The following NPSR1 variants were observed in gnomAD, a reference collection of about 807,000 sequenced individuals.
NPSR1 encodes neuropeptide S receptor 1, also known as neuropeptide S receptor.
NPSR1 carries 48 observed loss-of-function variants against 46.9 expected under a neutral mutation model. That is an observed-to-expected ratio of 1.02 (90% CI 0.81 to 1.30). NPSR1 has a LOEUF of 1.30. Among genes scored for constraint, NPSR1 ranks in the 50% most tolerant of loss-of-function variants. The probability of loss-of-function intolerance (pLI) is 0.00; values close to 1 mark genes in which losing one functional copy is unlikely to be tolerated. For synonymous variants in NPSR1, 176 were observed against 168.1 expected (o/e 1.05, Z -0.36); for missense variants, 450 against 449.5 (o/e 1.00, Z -0.01).
chr7:34,701,187 T>C (rs1448410180), intron 2 of NPSR1, among the ~76,000 whole-genome samples: 1 of 152,206 alleles, frequency 6.6e-6, no homozygotes, highest in East Asian at 1.9e-4. Context: ...TTTGAGCTGA[T>C]AGCACTTCAA....
At chr7:34,749,766 C>T (rs550133848) in intron 2 of NPSR1, among the ~76,000 whole-genome samples, 5 of 152,166 alleles carry the variant, frequency 3.3e-5, no homozygotes, top group Non-Finnish European at 7.3e-5. Context: ...AGAAGGTTTC[C>T]GTCATATTCC....
chr7:34,874,122 C>T (rs1412376027), intron 8 of NPSR1, among the ~76,000 whole-genome samples: 1 of 148,996 alleles, frequency 6.7e-6, no homozygotes. Flanking sequence ...ATCTGGCTTC[C>T]CACCCCAGCC....
intron 2 of NPSR1, among the ~76,000 whole-genome samples, chr7:34,705,155 G>A (rs773127284): frequency 3.9e-5 from 6 of 152,066 alleles, no homozygotes; most frequent in Non-Finnish European, 8.8e-5. Flanking sequence ...GGTTGGACGT[G>A]GTGGCTCATG....
chr7:34,786,067 C>T (rs1404319436), intron 3 of NPSR1, among the ~76,000 whole-genome samples: 2 of 152,116 alleles, frequency 1.3e-5, no homozygotes, highest in Non-Finnish European at 2.9e-5. Context: ...TTGACTTTTC[C>T]TTACATATAA....
chr7:34,862,669 T>G (rs897482148), intron 8 of NPSR1, among the ~76,000 whole-genome samples: 28 of 151,840 alleles, frequency 1.8e-4, no homozygotes, highest in African/African-American at 5.8e-4. Context: ...GTCAGAAAAT[T>G]TACTAATTAA....
chr7:34,752,560 A>G (rs1015687026), intron 2 of NPSR1, among the ~76,000 whole-genome samples: 1 of 152,108 alleles, frequency 6.6e-6, no homozygotes, highest in Non-Finnish European at 1.5e-5. Context: ...ATTTAACTTA[A>G]CCACTCAGTC....
In NPSR1 at chr7:34,725,162, A is replaced by C. The variant is rs919877779; in HGVS notation, c.280+40478A>C. On this transcript the variant is annotated intron_variant, in intron 2 of 8. Coordinates refer to ENST00000360581, the MANE Select transcript of NPSR1 (RefSeq NM_207172.2). ...ACACTCACACACACACAGAGCTCTC[A>C]GAACACTGCTGCCAGAGGGTGAATG... Among the ~76,000 whole-genome samples, 18 of 152,046 alleles carry C rather than the reference A, an allele frequency of 1.2e-4. No individual in the cohort carries two copies. The East Asian group carries it at 2.3e-3, about 20-fold the overall frequency.
rs1056535534 is a variant in NPSR1 at position 34,827,618 on chromosome 7, G to A, written c.680+16G>A. The A allele has an allele frequency of 2.4e-5, 16 of 679,496 alleles. No homozygotes were observed. Among genetic ancestry groups the A allele is most frequent in the African/African-American group, 4.9e-5 (2 of 41,212 alleles). The allele number at this position is 679,496 out of a possible 1,614,324, so 42.1% of individuals were successfully genotyped here. A position where few individuals can be genotyped will look rare whatever the true frequency, so the allele number is the denominator to read the frequency against. On this transcript the variant is annotated intron_variant, in intron 5 of 8. Transcript: ENST00000360581. The stretch of plus-strand genomic sequence containing the variant: ...CAATCATCAGGTAAGAAGCCGTCAG[G>A]ACAGGACCACACGGGGGGGTGGGGC...
At chr7:34,873,959 T>C in intron 8 of NPSR1, among the ~76,000 whole-genome samples, 1 of 151,718 alleles carries the variant, frequency 6.6e-6, no homozygotes, top group Non-Finnish European at 1.5e-5. Flanking sequence ...TGATCATTGA[T>C]AACTAAAGTT....
chr7:34,787,146 C>T (rs1028980712), intron 3 of NPSR1, among the ~76,000 whole-genome samples: 1 of 152,114 alleles, frequency 6.6e-6, no homozygotes, highest in Non-Finnish European at 1.5e-5. Context: ...CTGTAGCCAC[C>T]TTCATCAGTT....
intron 3 of NPSR1, among the ~76,000 whole-genome samples, chr7:34,790,605 A>T (rs1230108241): frequency 6.7e-6 from 1 of 148,932 alleles, no homozygotes; most frequent in African/African-American, 2.4e-5. Flanking sequence ...TTTGAAGATG[A>T]CCTGATCCTA....
intron 2 of NPSR1, among the ~76,000 whole-genome samples, chr7:34,694,436 A>T (rs1316108165): frequency 6.6e-6 from 1 of 152,156 alleles, no homozygotes; most frequent in African/African-American, 2.4e-5. Flanking sequence ...TAAAATAATA[A>T]AACACCTAGG....
At chr7:34,856,945 C>T (rs1791064226) in intron 8 of NPSR1, among the ~76,000 whole-genome samples, 1 of 151,506 alleles carries the variant, frequency 6.6e-6, no homozygotes, top group Non-Finnish European at 1.5e-5. Flanking sequence ...CTGCTGATCT[C>T]TAAGGGCCTT....
At chr7:34,722,517 G>A (rs35300670) in intron 2 of NPSR1, among the ~76,000 whole-genome samples, 117 of 152,246 alleles carry the variant, frequency 7.7e-4, no homozygotes, top group African/African-American at 2.7e-3. Context: ...GGCTCATCTG[G>A]ACTTTTTAGT....
In NPSR1 at chr7:34,734,376, A is replaced by G. The variant is rs1355026946; in HGVS notation, c.281-44086A>G. Among the ~76,000 whole-genome samples the G allele has an allele frequency of 3.3e-5, 5 of 152,252 alleles. 1 individual carries two copies. The highest frequency in any genetic ancestry group is 1.2e-4 in the African/African-American group (5 of 41,470). ...ATGTGGATACATTCAAAAAGCTTTT[A>G]GAAAACAGATGATGACTGATGGATG... On this transcript the variant is annotated intron_variant, in intron 2 of 8. Transcript: ENST00000360581.
At chr7:34,757,148 CA>C in intron 2 of NPSR1, among the ~76,000 whole-genome samples, 1 of 152,080 alleles carries the variant, frequency 6.6e-6, no homozygotes, top group Non-Finnish European at 1.5e-5. Flanking sequence ...ATTGCACTTA[CA>C]GTGAAAATTA....
Position 34,827,393 on chromosome 7 carries a change from T to C in NPSR1, c.479-8T>C, listed in dbSNP as rs1268936462. 3 of 1,613,250 alleles carry C rather than the reference T, an allele frequency of 1.9e-6. No homozygotes were observed. Among genetic ancestry groups the C allele is most frequent in the African/African-American group, 2.7e-5 (2 of 74,886 alleles). ...ATACCCAGACATTCCTCTCTTTTCT[T>C]TGGGCAGAAAAGCAAGCCAGGGTCC... is the stretch of plus-strand genomic sequence containing the variant. On this transcript the variant is annotated splice_polypyrimidine_tract_variant and splice_region_variant and intron_variant, in intron 4 of 8. Transcript: ENST00000360581.
At chr7:34,720,137 A>T (rs34760652) in intron 2 of NPSR1, among the ~76,000 whole-genome samples, 177 of 152,024 alleles carry the variant, frequency 1.2e-3, no homozygotes, top group Non-Finnish European at 2.3e-3. Context: ...AAAATTAGCC[A>T]GGTGTAGTGG....
At chr7:34,771,445 C>T (rs1022109709) in intron 2 of NPSR1, among the ~76,000 whole-genome samples, 5 of 152,086 alleles carry the variant, frequency 3.3e-5, no homozygotes. Context: ...ACCACTTCCC[C>T]ACCAAAAAAG....
Sources: gnomAD v4.1 joint callset for allele counts (sites outside exome capture counted in the v4.1 genomes callset) on GRCh38, gnomAD v4.1.1 for gene constraint, MANE v1.5 for transcripts, NCBI Gene and HGNC (gene_info 2026-07-23, HGNC 2026-07-21) for gene names.